Variants in SH3KBP1 observed in about 807,000 individuals in gnomAD.
The protein encoded by SH3KBP1 is SH3 domain-containing kinase-binding protein 1.
In SH3KBP1, 8 loss-of-function variants were observed where a neutral mutation model predicts 50.1. The ratio of observed to expected loss-of-function variants is 0.16; its 90% CI spans 0.09 to 0.29. The LOEUF is 0.29. Among genes scored for constraint, SH3KBP1 ranks in the 10% least tolerant of loss-of-function variants. The pLI, the probability that SH3KBP1 is intolerant of heterozygous loss-of-function variation, is 1.00. For synonymous variants in SH3KBP1, 227 were observed against 218.6 expected (o/e 1.04, Z -0.34); for missense variants, 377 against 535.2 (o/e 0.70, Z 2.92).
chrX:19,837,630 G>A (rs2068094031), intron 1 of SH3KBP1, among the ~76,000 whole-genome samples: 2 of 109,051 alleles, frequency 1.8e-5, no homozygotes, highest in South Asian at 7.9e-4. Flanking sequence ...TAGTAGAGAC[G>A]GGGTTTCACC....
intron 2 of SH3KBP1, among the ~76,000 whole-genome samples, chrX:19,770,094 T>C (rs777098731): frequency 2.7e-5 from 3 of 111,996 alleles, no homozygotes; most frequent in African/African-American, 6.5e-5. Flanking sequence ...AGGTTTGTTA[T>C]ATAGGTAAAC....
At chrX:19,665,735 A>G (rs1399310972) in intron 6 of SH3KBP1, among the ~76,000 whole-genome samples, 3 of 111,925 alleles carry the variant, frequency 2.7e-5, no homozygotes, top group African/African-American at 9.7e-5. Context: ...TCTGTGATCT[A>G]AATGCTTTAA....
intron 12 of SH3KBP1, among the ~76,000 whole-genome samples, chrX:19,576,275 G>A (rs1201954358): frequency 9.0e-6 from 1 of 110,718 alleles, no homozygotes; most frequent in Non-Finnish European, 1.9e-5. Context: ...AGAGACTGAC[G>A]AGCCCAAGCA....
At chrX:19,815,094 T>C (rs1269738565) in intron 2 of SH3KBP1, among the ~76,000 whole-genome samples, 1 of 111,826 alleles carries the variant, frequency 8.9e-6, no homozygotes, top group Non-Finnish European at 1.9e-5. Context: ...AACTGCAGTG[T>C]ATGGGAAAGT....
intron 6 of SH3KBP1, among the ~76,000 whole-genome samples, chrX:19,655,278 T>C (rs2062244743): frequency 8.9e-6 from 1 of 112,257 alleles, no homozygotes; most frequent in Admixed American, 9.5e-5. Flanking sequence ...AGCATTCTTT[T>C]CTAGAACTAC....
chrX:19,883,631 C>T (rs2069504811), intron 1 of SH3KBP1, among the ~76,000 whole-genome samples: 1 of 111,554 alleles, frequency 9.0e-6, no homozygotes, highest in Non-Finnish European at 1.9e-5. Context: ...TCCTGTTGAA[C>T]AGAAACAATT....
chrX:19,820,934 AT>A (rs1453155456), intron 2 of SH3KBP1, among the ~76,000 whole-genome samples: 1 of 111,173 alleles, frequency 9.0e-6, no homozygotes, highest in African/African-American at 3.3e-5. Flanking sequence ...TTCGATCAAC[AT>A]TTTCCTATTT....
chrX:19,618,385 CAAAAAAAAAA>C (rs1169013925), intron 8 of SH3KBP1, among the ~76,000 whole-genome samples: 2 of 18,218 alleles, frequency 1.1e-4, no homozygotes, highest in African/African-American at 3.3e-4. Context: ...GACTCTGTCT[CAAAAAAAAAA>C]AAAAAAAAAA....
intron 1 of SH3KBP1, among the ~76,000 whole-genome samples, chrX:19,860,147 T>C (rs961586268): frequency 9.1e-6 from 1 of 109,832 alleles, no homozygotes; most frequent in African/African-American, 3.3e-5. Flanking sequence ...CACACACCTG[T>C]AGCCCCGGCA....
intron 4 of SH3KBP1, among the ~76,000 whole-genome samples, 182 bp from the exon 5 acceptor site, chrX:19,695,923 A>G (rs974215195): frequency 9.0e-6 from 1 of 111,377 alleles, no homozygotes; most frequent in Non-Finnish European, 1.9e-5. Flanking sequence ...CAGGCTAAAG[A>G]AGGGGGTGTT....
intron 1 of SH3KBP1, among the ~76,000 whole-genome samples, chrX:19,886,059 C>A (rs1008544941): frequency 9.0e-6 from 1 of 111,640 alleles, no homozygotes; most frequent in African/African-American, 3.3e-5. Flanking sequence ...GAACAGGAAC[C>A]AATTTAGACT....
intron 10 of SH3KBP1, among the ~76,000 whole-genome samples, chrX:19,594,481 G>A (rs1350442484): frequency 8.9e-6 from 1 of 111,824 alleles, no homozygotes; most frequent in Non-Finnish European, 1.9e-5. Flanking sequence ...AGTGAAGTCA[G>A]TACAAATTTT....
intron 2 of SH3KBP1, among the ~76,000 whole-genome samples, chrX:19,830,382 T>C (rs1401681250): frequency 2.7e-5 from 3 of 110,754 alleles, no homozygotes; most frequent in East Asian, 5.6e-4. Flanking sequence ...ATATGACTTA[T>C]GCATTTTACT....
intron 3 of SH3KBP1, among the ~76,000 whole-genome samples, chrX:19,739,014 G>GGAA (rs1226478317): frequency 4.5e-4 from 10 of 22,460 alleles, no homozygotes; most frequent in Non-Finnish European, 8.8e-4. Flanking sequence ...CTGCCTCCAA[G>GGAA]AAAAAAAAAA....
intron 8 of SH3KBP1, among the ~76,000 whole-genome samples, chrX:19,614,205 C>T (rs779110516): frequency 1.6e-4 from 18 of 112,655 alleles, no homozygotes; most frequent in Non-Finnish European, 3.2e-4. Flanking sequence ...GCCCAGACTT[C>T]AGTATCGGGC....
chrX:19,591,564 G>A (rs762559959), intron 11 of SH3KBP1, among the ~76,000 whole-genome samples: 4 of 111,804 alleles, frequency 3.6e-5, no homozygotes, highest in African/African-American at 1.3e-4. Flanking sequence ...CCTTGACCAA[G>A]GACTTCTGTC....
At chrX:19,656,000 A>G (rs971365958) in intron 6 of SH3KBP1, among the ~76,000 whole-genome samples, 9 of 111,442 alleles carry the variant, frequency 8.1e-5, no homozygotes, top group Non-Finnish European at 1.7e-4. Context: ...GATGGGTAAA[A>G]TTTTGCCAAG....
intron 5 of SH3KBP1, among the ~76,000 whole-genome samples, chrX:19,688,904 C>A (rs2063224887): frequency 9.0e-6 from 1 of 111,323 alleles, no homozygotes; most frequent in Admixed American, 9.6e-5. Flanking sequence ...TGTCTCACTT[C>A]TTAGAAACAC....
At chrX:19,556,079 C>G (rs1362286068) in intron 13 of SH3KBP1, among the ~76,000 whole-genome samples, 6 of 112,247 alleles carry the variant, frequency 5.3e-5, no homozygotes, top group Non-Finnish European at 7.5e-5. Flanking sequence ...TAACAAACAA[C>G]CTTTCTAGGC....
Sources: gnomAD v4.1 joint callset for allele counts (sites outside exome capture counted in the v4.1 genomes callset) on GRCh38, gnomAD v4.1.1 for gene constraint, MANE v1.5 for transcripts, NCBI Gene and HGNC (gene_info 2026-07-23, HGNC 2026-07-21) for gene names.